TAB2: variants seen among roughly 807,000 people sequenced by gnomAD.
TAB2 encodes the protein TGF-beta activated kinase 1 (MAP3K7) binding protein 2, also known as TGF-beta-activated kinase 1 and MAP3K7-binding protein 2.
A neutral mutation model predicts 65.0 loss-of-function variants in TAB2; 3 were observed. The ratio of observed to expected loss-of-function variants is 0.05; its 90% CI spans 0.02 to 0.12. TAB2 has a LOEUF of 0.12. Among genes scored for constraint, TAB2 ranks in the 10% least tolerant of loss-of-function variants. The pLI is 1.00. For missense variants in TAB2, 623 were observed against 840.3 expected, an observed-to-expected ratio of 0.74 and a Z score of 3.20; for synonymous variants, 298 against 285.1, an observed-to-expected ratio of 1.05 and a Z score of -0.46.
At chr6:149,221,477 G>C (rs898522026) in intron 1 of TAB2, among the ~76,000 whole-genome samples, 1 of 152,166 alleles carries the variant, frequency 6.6e-6, no homozygotes, top group Non-Finnish European at 1.5e-5. Flanking sequence ...AAGGCAAATA[G>C]CATCTCCGTG....
intron 1 of TAB2, among the ~76,000 whole-genome samples, chr6:149,354,526 A>AAAT (rs1347005362): frequency 1.3e-5 from 2 of 152,210 alleles, no homozygotes; most frequent in East Asian, 3.8e-4. Context: ...TATATTAAAT[A>AAAT]AAATAGGTTT....
At chr6:149,260,874 C>T (rs1218355277) in intron 1 of TAB2, among the ~76,000 whole-genome samples, 1 of 152,296 alleles carries the variant, frequency 6.6e-6, no homozygotes, top group East Asian at 1.9e-4. Flanking sequence ...CTTCGTTTCC[C>T]ACATGAAATG....
upstream of TAB2, among the ~76,000 whole-genome samples, chr6:149,315,413 T>C: frequency 6.6e-6 from 1 of 152,238 alleles, no homozygotes; most frequent in Non-Finnish European, 1.5e-5. Context: ...TATTTTATTT[T>C]TTTCTGAACC....
At chr6:149,307,153 C>A (rs1279096675) in intron 1 of TAB2, among the ~76,000 whole-genome samples, 1 of 151,792 alleles carries the variant, frequency 6.6e-6, no homozygotes, top group East Asian at 1.9e-4. Flanking sequence ...AATTCCGTTG[C>A]AAATATGGTC....
At chr6:149,371,914 A>G (rs1435592524) in intron 2 of TAB2, among the ~76,000 whole-genome samples, 3 of 152,202 alleles carry the variant, frequency 2.0e-5, no homozygotes, top group African/African-American at 7.2e-5. Context: ...TAGTGGGGAA[A>G]AATAGTCTCC....
At chr6:149,263,637 G>A (rs994479194) in intron 1 of TAB2, among the ~76,000 whole-genome samples, 4 of 152,188 alleles carry the variant, frequency 2.6e-5, no homozygotes, top group African/African-American at 7.2e-5. Context: ...CAAATGAACG[G>A]CATGAACAAA....
At chr6:149,408,486 G>T (rs1223773168) in intron 6 of TAB2, among the ~76,000 whole-genome samples, 1 of 152,088 alleles carries the variant, frequency 6.6e-6, no homozygotes, top group Non-Finnish European at 1.5e-5. Context: ...TTTGACTTCT[G>T]TATTTTTATT....
At chr6:149,316,836 G>T (rs1779264649), upstream of TAB2, among the ~76,000 whole-genome samples, 1 of 152,016 alleles carries the variant, frequency 6.6e-6, no homozygotes, top group Admixed American at 6.5e-5. Flanking sequence ...GTCAGAAGCC[G>T]ACACTTTTTC....
chr6:149,386,422 A>G (rs1015961931), intron 3 of TAB2, among the ~76,000 whole-genome samples: 5 of 151,376 alleles, frequency 3.3e-5, no homozygotes, highest in Non-Finnish European at 2.9e-5. Context: ...GAAACCTCAT[A>G]TCCTGTAAGC....
At chr6:149,395,174 C>A (rs1377055479) in intron 3 of TAB2, among the ~76,000 whole-genome samples, 1 of 152,272 alleles carries the variant, frequency 6.6e-6, no homozygotes, top group East Asian at 1.9e-4. Flanking sequence ...CCTACAACAA[C>A]ATCTGACACA....
intron 3 of TAB2, among the ~76,000 whole-genome samples, chr6:149,392,073 G>A (rs1346424626): frequency 2.3e-5 from 3 of 128,682 alleles, no homozygotes; most frequent in Non-Finnish European, 4.8e-5. Flanking sequence ...ACTTAATCTG[G>A]ATTTAGTTTT....
At position 149,249,187 on chromosome 6, in the gene TAB2, G is replaced by C. The variant is rs934207844; in HGVS notation, c.-121+30411G>C. Among the ~76,000 whole-genome samples the C allele has an allele frequency of 3.0e-5, 4 of 131,914 alleles. No homozygotes were observed. In the East Asian group the frequency reaches 9.6e-4, roughly 32 times the overall value. The allele number at this position is 131,914 out of a possible 152,430, so 86.5% of individuals were successfully genotyped here. A position where few individuals can be genotyped will look rare whatever the true frequency, so the allele number is the denominator to read the frequency against. ...ACACACACGCACACACACACACACA[G>C]ACACCTACCCTACTAGAAGCAATTC... On this transcript the variant is annotated intron_variant, in intron 1 of 1. Transcript: ENST00000606202.
chr6:149,348,809 CA>C (rs1001993498), intron 1 of TAB2, among the ~76,000 whole-genome samples: 20 of 151,646 alleles, frequency 1.3e-4, no homozygotes, highest in African/African-American at 4.1e-4. Context: ...ACTAAAAATA[CA>C]AAAAAATTAG....
chr6:149,225,726 G>A (rs888973443), intron 1 of TAB2, among the ~76,000 whole-genome samples: 15 of 152,060 alleles, frequency 9.9e-5, no homozygotes, highest in East Asian at 3.9e-4. Context: ...TAAAAATCAC[G>A]AGGCAGTCGG....
chr6:149,359,254 G>C (rs1780767527), intron 1 of TAB2, among the ~76,000 whole-genome samples: 1 of 152,080 alleles, frequency 6.6e-6, no homozygotes, highest in Admixed American at 6.6e-5. Flanking sequence ...CTGGGTTAAA[G>C]AAATAAGATT....
intron 1 of TAB2, among the ~76,000 whole-genome samples, chr6:149,302,227 T>C (rs184671383): frequency 5.3e-4 from 80 of 152,314 alleles, no homozygotes; most frequent in African/African-American, 1.9e-3. Flanking sequence ...TATAAGCATA[T>C]AACATTACAT....
At chr6:149,366,521 T>C (rs1258331070) in intron 1 of TAB2, among the ~76,000 whole-genome samples, 4 of 152,144 alleles carry the variant, frequency 2.6e-5, no homozygotes, top group East Asian at 1.9e-4. Context: ...TTTATCTGAG[T>C]GTTAGCTACC....
intron 3 of TAB2, among the ~76,000 whole-genome samples, chr6:149,391,945 C>G (rs1230854327): frequency 1.3e-5 from 2 of 151,926 alleles, no homozygotes; most frequent in Non-Finnish European, 2.9e-5. Context: ...TTTCCAAGAG[C>G]TAGTTCTCTG....
chr6:149,290,107 G>T (rs1278388095), intron 1 of TAB2, among the ~76,000 whole-genome samples: 1 of 152,170 alleles, frequency 6.6e-6, no homozygotes, highest in Non-Finnish European at 1.5e-5. Context: ...AAAAGAGCCT[G>T]TTCTGTCAGT....
Sources: allele counts gnomAD v4.1 joint callset (sites outside exome capture counted in the v4.1 genomes callset), GRCh38; gene constraint gnomAD v4.1.1; transcripts MANE v1.5; gene names NCBI Gene and HGNC (gene_info 2026-07-23, HGNC 2026-07-21).